GPATCH2: variants seen among roughly 807,000 people sequenced by gnomAD.
The protein encoded by GPATCH2 is G patch domain-containing protein 2.
In GPATCH2, 51 loss-of-function variants were observed where a neutral mutation model predicts 58.0. The observed-to-expected ratio is 0.88, with a 90% CI of 0.70 to 1.11. The LOEUF is 1.11. Ranked by LOEUF, GPATCH2 falls within the 50% of genes most tolerant of loss-of-function variation. GPATCH2 has a pLI of 0.00. For synonymous variants in GPATCH2, 222 were observed against 218.5 expected (o/e 1.02, Z -0.14); for missense variants, 625 against 652.2 (o/e 0.96, Z 0.45).
At chr1:217,614,086 C>A in intron 3 of GPATCH2, 55 bp downstream of exon 3, 1 of 940,772 alleles carries the variant, frequency 1.1e-6, no homozygotes, top group South Asian at 1.3e-5. Context: ...GTAATAAGCT[C>A]CACTTTAGAA....
intron 2 of GPATCH2, among the ~76,000 whole-genome samples, chr1:217,615,633 C>T (rs1205839687): frequency 2.0e-5 from 3 of 152,044 alleles, no homozygotes; most frequent in Non-Finnish European, 4.4e-5. Flanking sequence ...TTTTCTGAAA[C>T]CCTTGAGGCA....
chr1:217,630,636 T>C (rs1669706310), intron 1 of GPATCH2, among the ~76,000 whole-genome samples: 1 of 152,206 alleles, frequency 6.6e-6, no homozygotes, highest in South Asian at 2.1e-4. Context: ...CAACAATCAA[T>C]GAGGAGATGA....
intron 5 of GPATCH2, among the ~76,000 whole-genome samples, chr1:217,544,411 C>G (rs2102651455): frequency 6.6e-6 from 1 of 152,140 alleles, no homozygotes; most frequent in South Asian, 2.1e-4. Flanking sequence ...ACAAACAAAC[C>G]AAATTATGTG....
At position 217,431,128 on chromosome 1, in the gene GPATCH2, T is replaced by A; in HGVS notation, c.*17A>T. 1 of 1,175,350 alleles carries A rather than the reference T, an allele frequency of 8.5e-7. No individual in the cohort carries two copies. The highest frequency in any genetic ancestry group is 2.3e-5 in the East Asian group (1 of 42,980). 72.8% of individuals were successfully genotyped at this position (1,175,350 alleles called of 1,614,324 possible). On this transcript the variant is annotated 3_prime_UTR_variant, in exon 10 of 10. Transcript: ENST00000366935. ...CATAGTGAATAAAGTCTGTAAAACATTTCTTCTTTGCTTTTCTTAGGCGGA... is the reference window on the plus strand; with the variant it reads ...CATAGTGAATAAAGTCTGTAAAACAATTCTTCTTTGCTTTTCTTAGGCGGA...
intron 5 of GPATCH2, among the ~76,000 whole-genome samples, chr1:217,535,046 A>G (rs189628528): frequency 6.6e-6 from 1 of 152,294 alleles, no homozygotes; most frequent in East Asian, 1.9e-4. Context: ...AAGTGCTTGG[A>G]AAAATGCCTG....
Position 217,551,222 on chromosome 1 carries a change from C to G in GPATCH2, c.1099-36333G>C, listed in dbSNP as rs1665345352. Among the ~76,000 whole-genome samples the G allele has an allele frequency of 2.6e-5, 4 of 152,002 alleles. No homozygotes were observed. The South Asian group carries it at 8.3e-4, about 32-fold the overall frequency. ...ATGGTCAGTAAACAAAGTCTTTGCTCTTTGTAGGCCTGCACCGGCATTCTA... is the reference window on the plus strand; with the variant it reads ...ATGGTCAGTAAACAAAGTCTTTGCTGTTTGTAGGCCTGCACCGGCATTCTA... On this transcript the variant is annotated intron_variant, in intron 5 of 9. Transcript: ENST00000366935.
At chr1:217,438,265 G>A (rs1362133930) in intron 9 of GPATCH2, among the ~76,000 whole-genome samples, 2 of 152,076 alleles carry the variant, frequency 1.3e-5, no homozygotes, top group Non-Finnish European at 1.5e-5. Context: ...ATAAATCCAC[G>A]AAGATGAAGA....
At chr1:217,505,823 A>G (rs1305699517) in intron 6 of GPATCH2, among the ~76,000 whole-genome samples, 1 of 151,996 alleles carries the variant, frequency 6.6e-6, no homozygotes, top group Non-Finnish European at 1.5e-5. Context: ...TAATTAATTT[A>G]TTTTTATTTA....
intron 7 of GPATCH2, among the ~76,000 whole-genome samples, chr1:217,497,515 A>C (rs181091928): frequency 5.1e-4 from 77 of 152,156 alleles, no homozygotes; most frequent in East Asian, 2.3e-3. Context: ...AGTAAAAGGA[A>C]CTCTGGTATA....
At chr1:217,438,240 A>G (rs1165280185) in intron 9 of GPATCH2, among the ~76,000 whole-genome samples, 1 of 152,236 alleles carries the variant, frequency 6.6e-6, no homozygotes, top group Non-Finnish European at 1.5e-5. Context: ...CACCAACATC[A>G]AAGACCAAAG....
At chr1:217,582,875 C>A (rs1667139190) in intron 5 of GPATCH2, among the ~76,000 whole-genome samples, 1 of 152,134 alleles carries the variant, frequency 6.6e-6, no homozygotes, top group South Asian at 2.1e-4. Context: ...ACAGGAGCAC[C>A]TGAGATTGCA....
intron 3 of GPATCH2, among the ~76,000 whole-genome samples, chr1:217,612,997 A>C (rs1668704758): frequency 6.6e-6 from 1 of 152,136 alleles, no homozygotes; most frequent in Non-Finnish European, 1.5e-5. Context: ...ATACTTATCA[A>C]AGATTGACAG....
Position 217,427,707 on chromosome 1 carries a change from T to C in GPATCH2, c.*3438A>G, listed in dbSNP as rs1199416151. The stretch of plus-strand genomic sequence containing the variant: ...GGTGAAAACAGTTTTAAAAAGCATG[T>C]CAACAGTGATTTTTTCTCTTTTCGG... On this transcript the variant is annotated 3_prime_UTR_variant, in exon 10 of 10. Transcript: ENST00000366935. 6.6e-6 allele frequency: 1 copy of C among 152,198 alleles called. No homozygotes were observed. 9.4% of individuals were successfully genotyped at this position (152,198 alleles called of 1,614,324 possible).
At chr1:217,589,869 A>T (rs1432208353) in intron 5 of GPATCH2, among the ~76,000 whole-genome samples, 1 of 152,188 alleles carries the variant, frequency 6.6e-6, no homozygotes, top group Non-Finnish European at 1.5e-5. Context: ...TCTTTACAGT[A>T]AAATGCCTGA....
At chr1:217,525,077 C>A (rs993266906) in intron 5 of GPATCH2, among the ~76,000 whole-genome samples, 1 of 151,054 alleles carries the variant, frequency 6.6e-6, no homozygotes, top group Non-Finnish European at 1.5e-5. Flanking sequence ...AATCTATTTA[C>A]CTAAATATAC....
chr1:217,600,733 AAAG>A (rs1220395986), intron 5 of GPATCH2, among the ~76,000 whole-genome samples: 1 of 152,186 alleles, frequency 6.6e-6, no homozygotes, highest in Non-Finnish European at 1.5e-5. Flanking sequence ...ACAACTAAAA[AAAG>A]GTGTTGCATC....
chr1:217,533,069 A>ATT (rs924720139), intron 5 of GPATCH2, among the ~76,000 whole-genome samples: 3 of 140,806 alleles, frequency 2.1e-5, no homozygotes, highest in Admixed American at 1.4e-4. Context: ...CACCTGGCTA[A>ATT]TTTTTTTTTT....
intron 6 of GPATCH2, 61 bp from the exon 7 acceptor site, chr1:217,498,456 G>T: frequency 8.0e-7 from 1 of 1,245,376 alleles, no homozygotes; most frequent in Non-Finnish European, 1.2e-6. Context: ...GCTCTCACAT[G>T]ATCGAGCCGC....
intron 7 of GPATCH2, 107 bp from the exon 8 acceptor site, chr1:217,491,857 C>A: frequency 2.5e-6 from 1 of 394,732 alleles, no homozygotes. Flanking sequence ...CATTTATTTG[C>A]ACGGCTTTTT....
Sources: allele counts gnomAD v4.1 joint callset (sites outside exome capture counted in the v4.1 genomes callset), GRCh38; gene constraint gnomAD v4.1.1; transcripts MANE v1.5; gene names NCBI Gene and HGNC (gene_info 2026-07-23, HGNC 2026-07-21).